The following MRPS28 variants were observed in gnomAD, a reference collection of about 807,000 sequenced individuals.
The protein encoded by MRPS28 is mitochondrial ribosomal protein S28, also known as small ribosomal subunit protein bS1m.
In MRPS28, 7 loss-of-function variants were observed where a neutral mutation model predicts 10.8. That is an observed-to-expected ratio of 0.65 (90% CI 0.37 to 1.22). The LOEUF is 1.22. Ranked by LOEUF, MRPS28 falls within the 50% of genes most tolerant of loss-of-function variation. The pLI is 0.02. For missense variants in MRPS28, 265 were observed against 232.9 expected, an observed-to-expected ratio of 1.14 and a Z score of -0.90; for synonymous variants, 121 against 93.3, an observed-to-expected ratio of 1.30 and a Z score of -1.71.
At chr8:79,942,914 A>T (rs910480059) in intron 2 of MRPS28, among the ~76,000 whole-genome samples, 1 of 152,200 alleles carries the variant, frequency 6.6e-6, no homozygotes, top group Admixed American at 6.5e-5. Context: ...AAATAAATTT[A>T]AAAAAAGGTT....
chr8:79,934,129 A>G (rs1358451295), intron 2 of MRPS28, among the ~76,000 whole-genome samples: 1 of 152,206 alleles, frequency 6.6e-6, no homozygotes, highest in African/African-American at 2.4e-5. Flanking sequence ...GATTGAAGGA[A>G]ATAAAAGAGA....
At chr8:80,006,601 C>G (rs533032204) in intron 1 of MRPS28, among the ~76,000 whole-genome samples, 68 of 152,262 alleles carry the variant, frequency 4.5e-4, no homozygotes, top group African/African-American at 1.2e-3. Context: ...CACCACCGAT[C>G]CCACAGAAAT....
chr8:79,939,225 C>A (rs548447909), intron 2 of MRPS28, among the ~76,000 whole-genome samples: 1 of 152,346 alleles, frequency 6.6e-6, no homozygotes, highest in South Asian at 2.1e-4. Context: ...AGGACCAACA[C>A]TCCTTTGACA....
At chr8:80,024,157 GGA>G (rs983549075) in intron 1 of MRPS28, among the ~76,000 whole-genome samples, 6 of 151,994 alleles carry the variant, frequency 3.9e-5, no homozygotes, top group African/African-American at 1.4e-4. Context: ...CTGAGCCAAG[GGA>G]GAGAGGTTGC....
chr8:79,987,081 T>C (rs1242696023), intron 2 of MRPS28, among the ~76,000 whole-genome samples: 1 of 151,976 alleles, frequency 6.6e-6, no homozygotes, highest in Admixed American at 6.6e-5. Context: ...AACAGAGATA[T>C]AGATCAATGG....
chr8:79,999,591 C>T (rs1445213819), intron 2 of MRPS28, among the ~76,000 whole-genome samples: 1 of 152,098 alleles, frequency 6.6e-6, no homozygotes, highest in East Asian at 1.9e-4. Flanking sequence ...CATTTCATGA[C>T]AGATTAAAAA....
chr8:80,011,867 C>T (rs1195115647), intron 1 of MRPS28, among the ~76,000 whole-genome samples: 2 of 152,212 alleles, frequency 1.3e-5, no homozygotes, highest in African/African-American at 4.8e-5. Context: ...ATTCAGCCAT[C>T]ACTAGGACCT....
chr8:79,996,986 G>A (rs185308787), intron 2 of MRPS28, among the ~76,000 whole-genome samples: 1 of 152,206 alleles, frequency 6.6e-6, no homozygotes, highest in East Asian at 1.9e-4. Flanking sequence ...TTCTTCATTT[G>A]GGAAATGTGG....
At position 79,918,913 on chromosome 8, in the gene MRPS28, A is replaced by T; in HGVS notation, c.*67T>A. On this transcript the variant is annotated 3_prime_UTR_variant, in exon 3 of 3. Transcript: ENST00000276585. ...TTCATTCAATCATTTATTCACAATT[A>T]GTCTAATTGCATTCTTGATGAATAA... 8.5e-7 allele frequency: 1 copy of T among 1,175,192 alleles called. No individual in the cohort carries two copies. Among genetic ancestry groups the T allele is most frequent in the Non-Finnish European group, 1.1e-6 (1 of 875,618 alleles). The allele number at this position is 1,175,192 out of a possible 1,614,324, so 72.8% of individuals were successfully genotyped here.
rs193237083 is a variant in MRPS28 at position 80,029,632 on chromosome 8, G to A, written c.213+404C>T. ...AAGGGCCTTCTACTCCAGACAGCAA[G>A]CTCCATGCTAGAGCTACTGTTCAGA... is the stretch of plus-strand genomic sequence containing the variant. On this transcript the variant is annotated intron_variant, in intron 1 of 2. Transcript: ENST00000276585. 101 of 802,042 alleles carry A rather than the reference G, an allele frequency of 1.3e-4. No individual in the cohort carries two copies. In the African/African-American group the frequency reaches 1.7e-3, roughly 14 times the overall value. The allele number at this position is 802,042 out of a possible 1,614,324, so 49.7% of individuals were successfully genotyped here. A position where few individuals can be genotyped will look rare whatever the true frequency, so the allele number is the denominator to read the frequency against.
rs892273604 is a variant in MRPS28, at chr8:80,007,868, A to G, written c.214-4688T>C. ...CTGCCCAAGGTAATTTATAGATTCA[A>G]TGCCATCCCCATCAAGCTACCAATG... On this transcript the variant is annotated intron_variant, in intron 1 of 2. Coordinates refer to ENST00000276585, the MANE Select transcript of MRPS28 (RefSeq NM_014018.3). Among the ~76,000 whole-genome samples the G allele has an allele frequency of 2.9e-3, 443 of 152,314 alleles. 1 individual carries two copies. The highest frequency in any genetic ancestry group is 0.017 in the Middle Eastern group (5 of 294).
chr8:79,986,210 T>C (rs879447285), intron 2 of MRPS28, among the ~76,000 whole-genome samples: 1 of 152,322 alleles, frequency 6.6e-6, no homozygotes, highest in South Asian at 2.1e-4. Flanking sequence ...GAAAAGGCCT[T>C]TGACAAAAAT....
intron 2 of MRPS28, among the ~76,000 whole-genome samples, chr8:79,999,856 CTCTTA>C (rs1255277648): frequency 3.9e-5 from 6 of 152,142 alleles, no homozygotes; most frequent in Admixed American, 3.9e-4. Context: ...GAAGCCTTGA[CTCTTA>C]TCTTTTTTTT....
intron 1 of MRPS28, among the ~76,000 whole-genome samples, chr8:80,009,444 TAAATAA>T (rs1808965470): frequency 6.6e-6 from 1 of 150,918 alleles, no homozygotes; most frequent in Non-Finnish European, 1.5e-5. Context: ...AATAAATAAA[TAAATAA>T]AAATAAAAAT....
intron 2 of MRPS28, among the ~76,000 whole-genome samples, chr8:79,975,979 A>G (rs1807785325): frequency 6.6e-6 from 1 of 152,248 alleles, no homozygotes; most frequent in Non-Finnish European, 1.5e-5. Flanking sequence ...TTTGTTTATG[A>G]CATAGTTAGC....
At chr8:80,007,059 A>C (rs1808870631) in intron 1 of MRPS28, among the ~76,000 whole-genome samples, 1 of 152,222 alleles carries the variant, frequency 6.6e-6, no homozygotes, top group South Asian at 2.1e-4. Context: ...AGCACATCAA[A>C]AAGCTTATCC....
At chr8:80,008,423 G>C (rs1808928799) in intron 1 of MRPS28, among the ~76,000 whole-genome samples, 1 of 152,286 alleles carries the variant, frequency 6.6e-6, no homozygotes, top group East Asian at 1.9e-4. Flanking sequence ...ATTGACAAAT[G>C]GGATCTAATT....
At chr8:79,955,092 A>T (rs1342710146) in intron 2 of MRPS28, among the ~76,000 whole-genome samples, 1 of 152,162 alleles carries the variant, frequency 6.6e-6, no homozygotes, top group Admixed American at 6.5e-5. Context: ...TGTCTGTTTA[A>T]AAGAGTCGAT....
intron 2 of MRPS28, among the ~76,000 whole-genome samples, chr8:80,002,760 T>G (rs939311186): frequency 6.6e-6 from 1 of 152,252 alleles, no homozygotes; most frequent in Non-Finnish European, 1.5e-5. Context: ...AATGGCTTAT[T>G]ATCAGGATGA....
Sources: gnomAD v4.1 joint callset for allele counts (sites outside exome capture counted in the v4.1 genomes callset) on GRCh38, gnomAD v4.1.1 for gene constraint, MANE v1.5 for transcripts, NCBI Gene and HGNC (gene_info 2026-07-23, HGNC 2026-07-21) for gene names.